The following RANGRF variants were observed in gnomAD, a reference collection of about 807,000 sequenced individuals.
RANGRF encodes MOG1 homolog.
Under a neutral mutation model 21.8 loss-of-function variants are expected in RANGRF, and 17 were observed. The observed-to-expected ratio is 0.78, with a 90% CI of 0.53 to 1.17. RANGRF has a LOEUF of 1.17. Among genes scored for constraint, RANGRF ranks in the 50% most tolerant of loss-of-function variants. The pLI, the probability that RANGRF is intolerant of heterozygous loss-of-function variation, is 0.00. For synonymous variants in RANGRF, 97 were observed against 94.3 expected, an observed-to-expected ratio of 1.03 and a Z score of -0.17; for missense variants, 225 against 235.5, an observed-to-expected ratio of 0.96 and a Z score of 0.29.
intron 2 of RANGRF, 46 bp downstream of exon 2, chr17:8,289,118 A>G (rs1164086669): frequency 2.5e-6 from 4 of 1,604,898 alleles, no homozygotes; most frequent in South Asian, 1.1e-5. Context: ...GCGGGGTCGG[A>G]CCAGTGGGCG....
At chr17:8,289,674 G>T (rs1423119262) in intron 4 of RANGRF, 86 bp downstream of exon 4, 1 of 1,607,020 alleles carries the variant, frequency 6.2e-7, no homozygotes, top group African/African-American at 1.3e-5. Flanking sequence ...AGACTCACTG[G>T]TGGGATCCTC....
At chr17:8,289,181 G>T (rs1418275045) in intron 2 of RANGRF, 77 bp from the exon 3 acceptor site, 2 of 1,601,412 alleles carry the variant, frequency 1.2e-6, no homozygotes, top group Non-Finnish European at 1.7e-6. Context: ...CGGGCCGGGA[G>T]CCAGGCCTGC....
In RANGRF at chr17:8,289,809, C is replaced by A; in HGVS notation, c.438-4C>A. On this transcript the variant is annotated splice_polypyrimidine_tract_variant and splice_region_variant and intron_variant, in intron 4 of 4. Coordinates refer to ENST00000226105, the MANE Select transcript of RANGRF (RefSeq NM_016492.5). ...TCTGTCTCCATCTGTTCCCCCACCC[C>A]AAGCCCTGACAACAGGTCATCTCTT... The A allele has an allele frequency of 6.2e-7, 1 of 1,613,818 alleles. No individual in the cohort carries two copies. Among genetic ancestry groups the A allele is most frequent in the Non-Finnish European group, 8.5e-7 (1 of 1,180,008 alleles).
In RANGRF at chr17:8,289,399, T is replaced by C. The variant is rs1374543612; in HGVS notation, c.336T>C (p.Ala112=). 6 of 1,613,892 alleles carry C rather than the reference T, an allele frequency of 3.7e-6. No individual in the cohort carries two copies. The highest frequency in any genetic ancestry group is 5.1e-6 in the Non-Finnish European group (6 of 1,179,950). ...AWVLSGKQQI[A]KENQQVAKDV... ...TCCTCTCTGGCAAGCAGCAGATAGC[T>C]AAGGAAAACCAGCAGGTGAGGGCCC... The change falls in exon 3 of 5, where the codon GCT becomes GCC. Residue 112 remains alanine (A), a synonymous_variant. Coordinates refer to ENST00000226105, the MANE Select transcript of RANGRF (RefSeq NM_016492.5).
chr17:8,289,740 G>C (rs1990332310), intron 4 of RANGRF, 73 bp from the exon 5 acceptor site: 5 of 1,613,890 alleles, frequency 3.1e-6, no homozygotes, highest in Non-Finnish European at 4.2e-6. Flanking sequence ...GGTCCTCTGG[G>C]GAACAGGAAT....
rs1468367457 is a variant in RANGRF at position 8,288,882 on chromosome 17, G to A, written c.77+17G>A. The A allele has an allele frequency of 1.2e-6, 2 of 1,614,040 alleles. No individual in the cohort carries two copies. The highest frequency in any genetic ancestry group is 1.7e-6 in the Non-Finnish European group (2 of 1,179,988). ...TGACGTAAGGTGAGAAGGCCGGGGC[G>A]CCCAGGGGCGGCTGACTGGGTGGGT... is the stretch of plus-strand genomic sequence containing the variant. On this transcript the variant is annotated intron_variant, in intron 1 of 4. Transcript: ENST00000226105.
At chr17:8,288,892 G>A (rs1990247391) in intron 1 of RANGRF, 27 bp downstream of exon 1, 1 of 1,613,992 alleles carries the variant, frequency 6.2e-7, no homozygotes, top group South Asian at 1.1e-5. Context: ...GCCCAGGGGC[G>A]GCTGACTGGG....
rs1990234507 is a variant in RANGRF at position 8,288,748 on chromosome 17, C to A, written c.-41C>A. 9 of 1,610,084 alleles carry A rather than the reference C, an allele frequency of 5.6e-6. No homozygotes were observed. Among genetic ancestry groups the A allele is most frequent in the Non-Finnish European group, 6.8e-6 (8 of 1,176,678 alleles). On this transcript the variant is annotated 5_prime_UTR_variant, in exon 1 of 5. Coordinates refer to ENST00000226105, the MANE Select transcript of RANGRF (RefSeq NM_016492.5). ...ATGCCACGTGACCCAATGTGGACTT[C>A]TTTTAAACCTTTCTAATGCCCATAA... is the stretch of plus-strand genomic sequence containing the variant.
In RANGRF at chr17:8,289,086, C is replaced by T. The variant is rs375629912; in HGVS notation, c.194+14C>T. 1.7e-4 allele frequency: 276 copies of T among 1,612,510 alleles called. No individual in the cohort carries two copies. Among genetic ancestry groups the T allele is most frequent in the Non-Finnish European group, 2.2e-4 (263 of 1,179,460 alleles). ...AGCGGCTGCGCGGTGAGGGAATGGC[C>T]CCCGGCTGGCCAATGGCAGGGGCGG... On this transcript the variant is annotated intron_variant, in intron 2 of 4. Coordinates refer to ENST00000226105, the MANE Select transcript of RANGRF (RefSeq NM_016492.5).
At chr17:8,289,437 T>A in intron 3 of RANGRF, 23 bp downstream of exon 3, 1 of 1,614,016 alleles carries the variant, frequency 6.2e-7, no homozygotes, top group South Asian at 1.1e-5. Flanking sequence ...GAGTGTGTAA[T>A]GTCCTGGAAG....
In RANGRF at chr17:8,289,953, C is replaced by A. The variant is rs1990353571; in HGVS notation, c.*17C>A. On this transcript the variant is annotated 3_prime_UTR_variant, in exon 5 of 5. Transcript: ENST00000226105. ...CCCCAGTAAAGGCGCTGAAGCACTGCATGATGTTGCTGAGAACTTGGGGAC... is the reference window on the plus strand; with the variant it reads ...CCCCAGTAAAGGCGCTGAAGCACTGAATGATGTTGCTGAGAACTTGGGGAC... 1 of 1,613,912 alleles carries A rather than the reference C, an allele frequency of 6.2e-7. No homozygotes were observed. Among genetic ancestry groups the A allele is most frequent in the Non-Finnish European group, 8.5e-7 (1 of 1,179,958 alleles).
chr17:8,289,200 G>C, intron 2 of RANGRF, 58 bp from the exon 3 acceptor site: 1 of 1,606,124 alleles, frequency 6.2e-7, no homozygotes, highest in Admixed American at 1.7e-5. Flanking sequence ...GCAACTTAAA[G>C]ATGCTCCCGG....
chr17:8,288,861 G>T lies in RANGRF; in HGVS notation c.73G>T (p.Val25Leu), dbSNP rs1447518549. The change falls in exon 1 of 5, where the codon GTA (valine) becomes TTA (leucine). Residue 25 changes from valine (V) to leucine (L), a missense_variant. Coordinates refer to ENST00000226105, the MANE Select transcript of RANGRF (RefSeq NM_016492.5). ...CATCCTCCCCATGGGGGCCATTGAC[G>T]TAAGGTGAGAAGGCCGGGGCGCCCA... ...SAILPMGAID[V>L]SDLRPVPDNQ... 1 of 1,614,114 alleles carries T rather than the reference G, an allele frequency of 6.2e-7. No homozygotes were observed. Among genetic ancestry groups the T allele is most frequent in the East Asian group, 2.2e-5 (1 of 44,900 alleles).
At chr17:8,289,156 C>A in intron 2 of RANGRF, 84 bp downstream of exon 2, 3 of 1,599,252 alleles carry the variant, frequency 1.9e-6, no homozygotes, top group Non-Finnish European at 2.6e-6. Flanking sequence ...TTAATCCGGG[C>A]GGTGAGACCA....
In RANGRF at chr17:8,289,967, G is replaced by A. The variant is rs764685778; in HGVS notation, c.*31G>A. The A allele has an allele frequency of 6.2e-7, 1 of 1,613,524 alleles. No individual in the cohort carries two copies. Among genetic ancestry groups the A allele is most frequent in the Non-Finnish European group, 8.5e-7 (1 of 1,179,458 alleles). On this transcript the variant is annotated 3_prime_UTR_variant, in exon 5 of 5. Coordinates refer to ENST00000226105, the MANE Select transcript of RANGRF (RefSeq NM_016492.5). ...CTGAAGCACTGCATGATGTTGCTGA[G>A]AACTTGGGGACTCGGTTCTGTGAGG... is the stretch of plus-strand genomic sequence containing the variant.
At position 8,289,573 on chromosome 17, in the gene RANGRF, C is replaced by T; in HGVS notation, c.422C>T (p.Thr141Ile). Residue 141 changes from threonine to isoleucine, a missense_variant, in exon 4 of 5, where the codon ACC becomes ATC. By Grantham distance (89) the Thr-to-Ile change is moderately conservative (BLOSUM62 -1). Coordinates refer to ENST00000226105, the MANE Select transcript of RANGRF (RefSeq NM_016492.5). ...LPQYQTDLLLTFNQPPPDNRS... is the reference protein window; with the variant it reads ...LPQYQTDLLLIFNQPPPDNRS... ...CAGTACCAGACTGATCTCTTGCTTA[C>T]CTTCAATCAGCCCCCGTAAGGAGGA... The T allele has an allele frequency of 1.2e-6, 2 of 1,613,100 alleles. No homozygotes were observed. Among genetic ancestry groups the T allele is most frequent in the Non-Finnish European group, 1.7e-6 (2 of 1,179,170 alleles).
chr17:8,288,732 G>T lies in RANGRF; in HGVS notation c.-57G>T. 6.3e-7 allele frequency: 1 copy of T among 1,586,652 alleles called. No individual in the cohort carries two copies. Among genetic ancestry groups the T allele is most frequent in the South Asian group, 1.1e-5 (1 of 90,436 alleles). On this transcript the variant is annotated 5_prime_UTR_variant, in exon 1 of 5. Coordinates refer to ENST00000226105, the MANE Select transcript of RANGRF (RefSeq NM_016492.5). ...GAAACCCAGGGAGCCGATGCCACGT[G>T]ACCCAATGTGGACTTCTTTTAAACC...
At chr17:8,289,103 C>G in intron 2 of RANGRF, 31 bp downstream of exon 2, 1 of 1,608,658 alleles carries the variant, frequency 6.2e-7, no homozygotes, top group Non-Finnish European at 8.5e-7. Flanking sequence ...TGGCCAATGG[C>G]AGGGGCGGGG....
chr17:8,289,325 C>CT lies in RANGRF; in HGVS notation c.263dup (p.Ser89GlnfsTer25), dbSNP rs1355351641. 1 of 1,614,070 alleles carries CT rather than the reference C, an allele frequency of 6.2e-7. No individual in the cohort carries two copies. The highest frequency in any genetic ancestry group is 8.5e-7 in the Non-Finnish European group (1 of 1,180,054). On this transcript the variant is annotated frameshift_variant, in exon 3 of 5. Coordinates refer to ENST00000226105, the MANE Select transcript of RANGRF (RefSeq NM_016492.5). LOFTEE classifies it high-confidence loss of function. ...TGTCCATGTGGAGTCTGTTCAGCCT[C>CT]TCAGTTTGGAGAACCTGGCCCTGAG...
Sources: gnomAD v4.1 joint callset for allele counts on GRCh38, gnomAD v4.1.1 for gene constraint, MANE v1.5 for transcripts, NCBI Gene and HGNC (gene_info 2026-07-23, HGNC 2026-07-21) for gene names.